The following LMBR1 variants were observed in gnomAD, a reference collection of about 807,000 sequenced individuals.
LMBR1 encodes the protein limb region 1 protein homolog.
A neutral mutation model predicts 73.9 loss-of-function variants in LMBR1; 52 were observed. That is an observed-to-expected ratio of 0.70 (90% CI 0.56 to 0.89). The LOEUF is 0.89. Among genes scored for constraint, LMBR1 ranks in the 40% least tolerant of loss-of-function variants. The pLI, the probability that LMBR1 is intolerant of heterozygous loss-of-function variation, is 0.00. For missense variants in LMBR1, 539 were observed against 579.8 expected (o/e 0.93, Z 0.72); for synonymous variants, 215 against 209.4 (o/e 1.03, Z -0.23).
intron 1 of LMBR1, among the ~76,000 whole-genome samples, chr7:156,883,027 TCTGA>T (rs1801337442): frequency 6.8e-6 from 1 of 146,002 alleles, no homozygotes; most frequent in African/African-American, 2.5e-5. Flanking sequence ...AGTACGAGAC[TCTGA>T]CTGAAAAAAA....
chr7:156,808,781 T>C (rs1028441165), intron 4 of LMBR1, among the ~76,000 whole-genome samples: 3 of 152,188 alleles, frequency 2.0e-5, no homozygotes, highest in Non-Finnish European at 4.4e-5. Flanking sequence ...CTTTAACTCA[T>C]CACAATCTGC....
At chr7:156,813,863 A>C (rs923105877) in intron 4 of LMBR1, among the ~76,000 whole-genome samples, 1 of 152,014 alleles carries the variant, frequency 6.6e-6, no homozygotes, top group Non-Finnish European at 1.5e-5. Flanking sequence ...CTCTTGAAGA[A>C]AAAAAGTCCT....
chr7:156,803,479 G>T (rs538069462), intron 4 of LMBR1, among the ~76,000 whole-genome samples: 1 of 151,962 alleles, frequency 6.6e-6, no homozygotes, highest in Non-Finnish European at 1.5e-5. Flanking sequence ...TTAGAATGGC[G>T]ATCATTAAAA....
intron 1 of LMBR1, among the ~76,000 whole-genome samples, chr7:156,843,114 G>A (rs1586175885): frequency 6.6e-6 from 1 of 152,226 alleles, no homozygotes; most frequent in African/African-American, 2.4e-5. Flanking sequence ...CTCCCTCTCT[G>A]TTGTTCTCCC....
intron 1 of LMBR1, among the ~76,000 whole-genome samples, chr7:156,850,089 A>T (rs900258149): frequency 6.6e-6 from 1 of 152,182 alleles, no homozygotes; most frequent in Non-Finnish European, 1.5e-5. Flanking sequence ...TTAATTCCCA[A>T]TGCAACAGTG....
At chr7:156,725,175 A>G (rs1372356815) in intron 14 of LMBR1, among the ~76,000 whole-genome samples, 1 of 152,208 alleles carries the variant, frequency 6.6e-6, no homozygotes, top group Non-Finnish European at 1.5e-5. Context: ...GAGGAAAAAG[A>G]GTCCTTTCAG....
intron 15 of LMBR1, among the ~76,000 whole-genome samples, chr7:156,692,270 T>G (rs1367252054): frequency 6.6e-6 from 1 of 152,026 alleles, no homozygotes; most frequent in Non-Finnish European, 1.5e-5. Flanking sequence ...AGAGATGGGG[T>G]TTCACCATGT....
At chr7:156,778,384 T>C (rs1026114959) in intron 5 of LMBR1, among the ~76,000 whole-genome samples, 1 of 152,244 alleles carries the variant, frequency 6.6e-6, no homozygotes, top group Non-Finnish European at 1.5e-5. Flanking sequence ...GCTGTTATTC[T>C]GACTTAATCC....
At position 156,744,768 on chromosome 7, in the gene LMBR1, C is replaced by T. The variant is rs77946003; in HGVS notation, c.758-10511G>A. 1.2e-3 allele frequency among the ~76,000 whole-genome samples: 190 copies of T among 152,290 alleles called. 2 individuals are homozygous for T. Among genetic ancestry groups the T allele is most frequent in the African/African-American group, 4.5e-3 (186 of 41,564 alleles). On this transcript the variant is annotated intron_variant, in intron 9 of 16. Coordinates refer to ENST00000353442, the MANE Select transcript of LMBR1 (RefSeq NM_022458.4). ...GCTTAAAACAACATAAATTTATTGT[C>T]TTACAGCTCTGGAAGTGAGAAGTCC...
At chr7:156,720,614 T>G (rs1585367801) in intron 15 of LMBR1, among the ~76,000 whole-genome samples, 1 of 151,938 alleles carries the variant, frequency 6.6e-6, no homozygotes, top group Admixed American at 6.6e-5. Context: ...AGAACATTAG[T>G]AATCAACCAA....
chr7:156,704,942 A>T (rs1007556194), intron 15 of LMBR1, among the ~76,000 whole-genome samples: 1 of 152,072 alleles, frequency 6.6e-6, no homozygotes, highest in Non-Finnish European at 1.5e-5. Flanking sequence ...AGCCTTGGAG[A>T]TGTTTGAGAC....
At chr7:156,818,615 A>G (rs1329231072) in intron 4 of LMBR1, among the ~76,000 whole-genome samples, 1 of 152,192 alleles carries the variant, frequency 6.6e-6, no homozygotes, top group African/African-American at 2.4e-5. Flanking sequence ...AAAGTGAACA[A>G]TTCAGTGGCA....
chr7:156,675,576 G>C, downstream of LMBR1: 1 of 754,386 alleles, frequency 1.3e-6, no homozygotes, highest in Non-Finnish European at 2.2e-6. Flanking sequence ...TCCCTAAAAA[G>C]TATTATTCGA....
chr7:156,692,353 A>G (rs1030785426), intron 15 of LMBR1, among the ~76,000 whole-genome samples: 7 of 152,222 alleles, frequency 4.6e-5, no homozygotes, highest in African/African-American at 1.7e-4. Context: ...CTGGGATTAC[A>G]GGCGTGAGCC....
intron 5 of LMBR1, among the ~76,000 whole-genome samples, chr7:156,767,905 T>A (rs879394638): frequency 6.6e-6 from 1 of 152,104 alleles, no homozygotes; most frequent in Non-Finnish European, 1.5e-5. Flanking sequence ...TTTAATTTTT[T>A]AAAAATGTAC....
chr7:156,690,254 T>A (rs894073851), intron 15 of LMBR1, among the ~76,000 whole-genome samples: 1 of 152,172 alleles, frequency 6.6e-6, no homozygotes, highest in Admixed American at 6.5e-5. Context: ...TTCAATGACA[T>A]ATACAGACAA....
intron 15 of LMBR1, among the ~76,000 whole-genome samples, chr7:156,704,484 A>G (rs1256337381): frequency 1.3e-5 from 2 of 152,212 alleles, no homozygotes; most frequent in Non-Finnish European, 2.9e-5. Flanking sequence ...AAAAATAAGC[A>G]GCAACTATTG....
At chr7:156,849,336 A>G (rs1476115584) in intron 1 of LMBR1, among the ~76,000 whole-genome samples, 1 of 152,152 alleles carries the variant, frequency 6.6e-6, no homozygotes, top group Non-Finnish European at 1.5e-5. Context: ...CATAGGGAAC[A>G]AGAGACATCA....
chr7:156,680,740 GAATA>G lies in LMBR1; in HGVS notation c.*3334_*3337del, dbSNP rs1804890095. The stretch of plus-strand genomic sequence containing the variant: ...CCATTTCTTAATTCAACATTCATCA[GAATA>G]ATTACTGCCCTCTATAAAACTGAAA... On this transcript the variant is annotated 3_prime_UTR_variant, in exon 17 of 17. Coordinates refer to ENST00000353442, the MANE Select transcript of LMBR1 (RefSeq NM_022458.4). 1 of 164,218 alleles carries G rather than the reference GAATA, an allele frequency of 6.1e-6. No homozygotes were observed. Among genetic ancestry groups the G allele is most frequent in the Admixed American group, 6.5e-5 (1 of 15,360 alleles). 10.2% of individuals were successfully genotyped at this position (164,218 alleles called of 1,614,324 possible). A position where few individuals can be genotyped will look rare whatever the true frequency, so the allele number is the denominator to read the frequency against.
Sources: gnomAD v4.1 joint callset for allele counts (sites outside exome capture counted in the v4.1 genomes callset) on GRCh38, gnomAD v4.1.1 for gene constraint, MANE v1.5 for transcripts, NCBI Gene and HGNC (gene_info 2026-07-23, HGNC 2026-07-21) for gene names.